The following MYO16 variants were observed in gnomAD, a reference collection of about 807,000 sequenced individuals.
The protein encoded by MYO16 is myosin XVI.
In MYO16, 94 loss-of-function variants were observed where a neutral mutation model predicts 205.3. The ratio of observed to expected loss-of-function variants is 0.46; its 90% CI spans 0.39 to 0.54. The LOEUF (loss-of-function observed/expected upper bound fraction) is 0.54, where lower values mean the gene tolerates loss of function less well. Among genes scored for constraint, MYO16 ranks in the 20% least tolerant of loss-of-function variants. The pLI is 0.00. For synonymous variants in MYO16, 988 were observed against 954.0 expected, an observed-to-expected ratio of 1.04 and a Z score of -0.66; for missense variants, 2,315 against 2,387.5, an observed-to-expected ratio of 0.97 and a Z score of 0.63.
intron 33 of MYO16, among the ~76,000 whole-genome samples, chr13:109,167,621 A>G (rs1203514096): frequency 6.6e-6 from 1 of 152,234 alleles, no homozygotes; most frequent in African/African-American, 2.4e-5. Context: ...AATCAATCCA[A>G]CGTTTGTAAA....
At chr13:109,080,773 C>T (rs779908505) in intron 27 of MYO16, among the ~76,000 whole-genome samples, 21 of 152,034 alleles carry the variant, frequency 1.4e-4, no homozygotes, top group Admixed American at 3.9e-4. Flanking sequence ...TAGAGGGATA[C>T]GCTTTTTAAA....
At chr13:108,544,858 G>A in the MYO16 span, among the ~76,000 whole-genome samples, 1 of 152,042 alleles carries the variant, frequency 6.6e-6, no homozygotes, top group South Asian at 2.1e-4. Flanking sequence ...TGCAATGTTC[G>A]TCTTTCTGTA....
chr13:108,583,541 C>T, the MYO16 span, among the ~76,000 whole-genome samples: 1 of 152,058 alleles, frequency 6.6e-6, no homozygotes, highest in Non-Finnish European at 1.5e-5. Context: ...ATATTATAAT[C>T]CAGTGATATA....
chr13:108,817,851 C>T (rs929011602), intron 7 of MYO16, among the ~76,000 whole-genome samples: 21 of 152,076 alleles, frequency 1.4e-4, no homozygotes, highest in African/African-American at 5.1e-4. Context: ...CACATTATTT[C>T]AGGACTTACT....
At chr13:108,886,112 C>T (rs928519098) in intron 13 of MYO16, among the ~76,000 whole-genome samples, 2 of 152,034 alleles carry the variant, frequency 1.3e-5, no homozygotes, top group South Asian at 2.1e-4. Context: ...CTCAGCCTCC[C>T]GAATAGCTGG....
At chr13:108,756,818 C>G (rs1885436958) in intron 4 of MYO16, among the ~76,000 whole-genome samples, 1 of 152,176 alleles carries the variant, frequency 6.6e-6, no homozygotes, top group African/African-American at 2.4e-5. Flanking sequence ...TACCAACTCT[C>G]TTGGCATCCA....
At chr13:108,670,565 G>A (rs1158323487) in intron 2 of MYO16, among the ~76,000 whole-genome samples, 2 of 152,156 alleles carry the variant, frequency 1.3e-5, no homozygotes, top group East Asian at 3.8e-4. Context: ...GAACATGCAA[G>A]TATGGGAGAA....
chr13:108,931,079 C>G (rs1219984160), intron 16 of MYO16, among the ~76,000 whole-genome samples: 2 of 152,138 alleles, frequency 1.3e-5, no homozygotes, highest in African/African-American at 4.8e-5. Context: ...GTAAATACAC[C>G]CTTACACACT....
intron 32 of MYO16, among the ~76,000 whole-genome samples, chr13:109,142,542 C>G (rs1247088393): frequency 6.6e-6 from 1 of 152,098 alleles, no homozygotes; most frequent in African/African-American, 2.4e-5. Context: ...CTCTGCAAAC[C>G]CCCACCTTTT....
chr13:108,520,151 A>G, the MYO16 span, among the ~76,000 whole-genome samples: 1 of 151,870 alleles, frequency 6.6e-6, no homozygotes, highest in African/African-American at 2.4e-5. Context: ...CTCTCCTTCT[A>G]TGTGACCTGG....
intron 4 of MYO16, among the ~76,000 whole-genome samples, chr13:108,739,741 G>T (rs897338827): frequency 1.1e-4 from 17 of 152,092 alleles, no homozygotes; most frequent in Admixed American, 7.9e-4. Context: ...TTTCCAACTT[G>T]GTTCCATTCT....
intron 4 of MYO16, among the ~76,000 whole-genome samples, chr13:108,753,570 A>G (rs1326446978): frequency 6.6e-6 from 1 of 152,174 alleles, no homozygotes; most frequent in Non-Finnish European, 1.5e-5. Context: ...ACATCAAATC[A>G]TATGCACTCA....
chr13:108,710,098 CTTT>C (rs1883661982), intron 2 of MYO16, among the ~76,000 whole-genome samples: 1 of 152,084 alleles, frequency 6.6e-6, no homozygotes, highest in Non-Finnish European at 1.5e-5. Flanking sequence ...GTGCAATGTT[CTTT>C]ATGAGTTTCA....
At chr13:108,808,079 C>T (rs10492414) in intron 7 of MYO16, among the ~76,000 whole-genome samples, 3 of 151,294 alleles carry the variant, frequency 2.0e-5, no homozygotes, top group Admixed American at 2.0e-4. Context: ...CAGTAATGAC[C>T]AAGGCAGAAA....
chr13:109,044,536 T>G (rs375589246), intron 23 of MYO16, among the ~76,000 whole-genome samples: 1 of 152,032 alleles, frequency 6.6e-6, no homozygotes, highest in Non-Finnish European at 1.5e-5. Context: ...TCACTGATAC[T>G]CACAGAATTT....
intron 22 of MYO16, among the ~76,000 whole-genome samples, chr13:109,010,911 C>T (rs529270759): frequency 1.4e-5 from 2 of 144,936 alleles, no homozygotes; most frequent in Admixed American, 7.1e-5. Flanking sequence ...TCACATAGAC[C>T]GTTTTCTTCT....
At chr13:109,150,016 A>C (rs7987070) in intron 32 of MYO16, among the ~76,000 whole-genome samples, 28,579 of 151,994 alleles carry the variant, frequency 0.19, 2,811 homozygotes, top group African/African-American at 0.24. Context: ...GTGGACTTCA[A>C]CCTCATAAGT....
intron 27 of MYO16, among the ~76,000 whole-genome samples, chr13:109,092,499 G>T (rs531780712): frequency 6.6e-6 from 1 of 152,148 alleles, no homozygotes; most frequent in South Asian, 2.1e-4. Context: ...CAAATACTGC[G>T]TGTTCTCACT....
intron 34 of MYO16, among the ~76,000 whole-genome samples, chr13:109,201,990 C>CAT (rs1880413292): frequency 6.6e-6 from 1 of 151,436 alleles, no homozygotes; most frequent in Admixed American, 6.6e-5. Context: ...ACACACACAT[C>CAT]ATATATCTAT....
Sources: allele counts gnomAD v4.1 joint callset (sites outside exome capture counted in the v4.1 genomes callset), GRCh38; gene constraint gnomAD v4.1.1; transcripts MANE v1.5; gene names NCBI Gene and HGNC (gene_info 2026-07-23, HGNC 2026-07-21).